The following TXLNB variants were observed in gnomAD, a reference collection of about 807,000 sequenced individuals.
TXLNB encodes beta-taxilin.
Under a neutral mutation model 57.4 loss-of-function variants are expected in TXLNB, and 37 were observed. The observed-to-expected ratio is 0.64, with a 90% CI of 0.50 to 0.85. The LOEUF (loss-of-function observed/expected upper bound fraction) is 0.85, where lower values mean the gene tolerates loss of function less well. Among genes scored for constraint, TXLNB ranks in the 40% least tolerant of loss-of-function variants. The pLI is 0.00. For synonymous variants in TXLNB, 302 were observed against 309.6 expected, an observed-to-expected ratio of 0.98 and a Z score of 0.26; for missense variants, 848 against 825.6, an observed-to-expected ratio of 1.03 and a Z score of -0.33.
chr6:139,236,440 G>A (rs187793666), downstream of TXLNB, among the ~76,000 whole-genome samples: 8 of 152,242 alleles, frequency 5.3e-5, no homozygotes, highest in East Asian at 1.9e-4. Flanking sequence ...GGGGATAAGG[G>A]AACTTTTCCC....
the TXLNB span, among the ~76,000 whole-genome samples, chr6:139,307,759 A>G: frequency 6.6e-6 from 1 of 152,218 alleles, no homozygotes; most frequent in African/African-American, 2.4e-5. Context: ...GGCTTTTTAA[A>G]GGCAATATTG....
At chr6:139,288,388 G>A in intron 2 of TXLNB, 88 bp downstream of exon 2, 1 of 1,253,536 alleles carries the variant, frequency 8.0e-7, no homozygotes, top group Non-Finnish European at 1.1e-6. Context: ...CCAAATATTG[G>A]ATGTGGCTTT....
At chr6:139,266,211 A>T (rs1002571995) in intron 4 of TXLNB, among the ~76,000 whole-genome samples, 5 of 152,216 alleles carry the variant, frequency 3.3e-5, no homozygotes, top group Admixed American at 2.6e-4. Context: ...ACATATGAAG[A>T]ACCAAGAAAA....
In TXLNB at chr6:139,243,303, T is replaced by C. The variant is rs1293388108; in HGVS notation, c.1278A>G (p.Arg426=). 6.2e-7 allele frequency: 1 copy of C among 1,608,378 alleles called. No homozygotes were observed. Among genetic ancestry groups the C allele is most frequent in the Non-Finnish European group, 8.5e-7 (1 of 1,179,200 alleles). The change falls in exon 10 of 10, where the codon AGA becomes AGG. Residue 426 remains arginine (R), a synonymous_variant. Transcript: ENST00000358430. The stretch of plus-strand genomic sequence containing the variant: ...TCACAAAGCACTCATATTCTTTAGC[T>C]CTCAGTGCTTTCTGTGATGTGAAAA... ...LLDMIEEKAL[R]AKEYECFVMK...
At chr6:139,183,425 G>A in the TXLNB span, 2 of 152,170 alleles carry the variant, frequency 1.3e-5, no homozygotes, top group African/African-American at 2.4e-5. Flanking sequence ...TGCCAGTTGT[G>A]CATGTTACTT....
At chr6:139,247,991 A>C (rs1776107289) in intron 7 of TXLNB, 82 bp from the exon 8 acceptor site, 95 of 770,546 alleles carry the variant, frequency 1.2e-4, no homozygotes, top group Non-Finnish European at 1.8e-4. Context: ...AGGAATTCTC[A>C]ATATAGTATT....
chr6:139,322,811 C>G, the TXLNB span, among the ~76,000 whole-genome samples: 12 of 152,324 alleles, frequency 7.9e-5, no homozygotes, highest in Middle Eastern at 0.014. Context: ...TGCACATTTT[C>G]TGTACATTTT....
Position 139,243,334 on chromosome 6 carries a change from G to A in TXLNB, c.1267-20C>T, listed in dbSNP as rs146863392. On this transcript the variant is annotated intron_variant, in intron 9 of 9. Transcript: ENST00000358430. ...TGCTTTCTGTGATGTGAAAACACAC[G>A]CACATACACACACAGATGAAATGAC... 10 of 1,590,002 alleles carry A rather than the reference G, an allele frequency of 6.3e-6. No homozygotes were observed. The highest frequency in any genetic ancestry group is 3.3e-5 in the South Asian group (3 of 89,586).
chr6:139,256,916 T>C (rs1776359138), intron 6 of TXLNB, among the ~76,000 whole-genome samples: 2 of 152,236 alleles, frequency 1.3e-5, no homozygotes. Context: ...TTGAGAAGTA[T>C]GGGTTAGAAG....
the TXLNB span, chr6:139,167,091 A>G: frequency 6.2e-7 from 1 of 1,614,196 alleles, no homozygotes; most frequent in Non-Finnish European, 8.5e-7. Flanking sequence ...CCCAGGCATA[A>G]GCTGAACACT....
At chr6:139,167,045 C>G in the TXLNB span, 1 of 1,614,174 alleles carries the variant, frequency 6.2e-7, no homozygotes. Context: ...GCAGTTCCTT[C>G]GGCGGCTGGA....
At chr6:139,276,748 G>A in intron 3 of TXLNB, 82 bp downstream of exon 3, 1 of 995,586 alleles carries the variant, frequency 1.0e-6, no homozygotes, top group Non-Finnish European at 1.5e-6. Flanking sequence ...TTCTCGGATT[G>A]GCAGGTGTTT....
At chr6:139,217,879 A>G in the TXLNB span, among the ~76,000 whole-genome samples, 8 of 151,848 alleles carry the variant, frequency 5.3e-5, no homozygotes, top group African/African-American at 1.7e-4. Flanking sequence ...AAAAAAAAAA[A>G]AAAAAAAAGA....
In TXLNB at chr6:139,288,978, C is replaced by T. The variant is rs1158010186; in HGVS notation, c.-14-65G>A. On this transcript the variant is annotated intron_variant, in intron 1 of 9. Coordinates refer to ENST00000358430, the MANE Select transcript of TXLNB (RefSeq NM_153235.4). ...CTTGCTACATATCAATGCTACATTT[C>T]AATGGTAAGGATATCCCCCAAGTGA... 5 of 1,217,892 alleles carry T rather than the reference C, an allele frequency of 4.1e-6. No individual in the cohort carries two copies. The Admixed American group carries it at 1.0e-4, about 26-fold the overall frequency. The allele number at this position is 1,217,892 out of a possible 1,614,324, so 75.4% of individuals were successfully genotyped here.
the TXLNB span, among the ~76,000 whole-genome samples, chr6:139,220,630 G>A: frequency 3.3e-5 from 5 of 152,142 alleles, no homozygotes; most frequent in Admixed American, 6.5e-5. Context: ...TAGGGTTGGC[G>A]TTATTAACTT....
intron 5 of TXLNB, 86 bp downstream of exon 5, chr6:139,262,493 G>A: frequency 8.2e-7 from 1 of 1,226,114 alleles, no homozygotes; most frequent in South Asian, 1.7e-5. Flanking sequence ...AGGGCTGGCT[G>A]TAACTGTCTT....
the TXLNB span, among the ~76,000 whole-genome samples, chr6:139,318,353 A>G: frequency 1.3e-5 from 2 of 151,800 alleles, no homozygotes; most frequent in South Asian, 4.1e-4. Flanking sequence ...AAAATATAAG[A>G]GAAGAAGAGA....
At chr6:139,235,060 G>A in the TXLNB span, among the ~76,000 whole-genome samples, 1 of 152,232 alleles carries the variant, frequency 6.6e-6, no homozygotes, top group Admixed American at 6.5e-5. Context: ...GGCTTACATG[G>A]AACCTGTAGC....
the TXLNB span, among the ~76,000 whole-genome samples, chr6:139,160,197 T>TA: frequency 6.6e-6 from 1 of 152,194 alleles, no homozygotes; most frequent in Non-Finnish European, 1.5e-5. Flanking sequence ...AGAAGCTGGG[T>TA]ACTGACTACT....
Sources: allele counts gnomAD v4.1 joint callset (sites outside exome capture counted in the v4.1 genomes callset), GRCh38; gene constraint gnomAD v4.1.1; transcripts MANE v1.5; gene names NCBI Gene and HGNC (gene_info 2026-07-23, HGNC 2026-07-21).